CADM2: variants seen among roughly 807,000 people sequenced by gnomAD.
CADM2 encodes the protein immunoglobulin superfamily member 4D.
Under a neutral mutation model 49.8 loss-of-function variants are expected in CADM2, and 12 were observed. That is an observed-to-expected ratio of 0.24 (90% CI 0.15 to 0.39). CADM2 has a LOEUF of 0.39. CADM2 is among the 10% of genes least tolerant of loss of function. CADM2 has a pLI of 1.00. For synonymous variants in CADM2, 214 were observed against 175.4 expected, an observed-to-expected ratio of 1.22 and a Z score of -1.74; for missense variants, 378 against 492.3, an observed-to-expected ratio of 0.77 and a Z score of 2.20.
rs920180067 is a variant in CADM2, at chr3:85,552,374, T to C, written c.62-174148T>C. ...TTAAATCACTTTGAAAAGTTTTTTT[T>C]TTTTTTTTTTTTTTTTTTTTTTGAG... On this transcript the variant is annotated intron_variant, in intron 1 of 9. Coordinates refer to ENST00000383699, the MANE Select transcript of CADM2 (RefSeq NM_001167675.2). Among the ~76,000 whole-genome samples, 11 of 18,814 alleles carry C rather than the reference T, an allele frequency of 5.8e-4. No homozygotes were observed. The South Asian group carries it at 8.3e-3, about 14-fold the overall frequency. The allele number at this position is 18,814 out of a possible 152,430, so 12.3% of individuals were successfully genotyped here.
intron 1 of CADM2, among the ~76,000 whole-genome samples, chr3:85,121,659 CCATTCATCAGTAATATTACCTATCTT>C (rs966631335): frequency 9.9e-5 from 15 of 152,160 alleles, no homozygotes; most frequent in Middle Eastern, 3.4e-3. Context: ...GTATTCAATA[CCATTCATCAGTAATATTACCTATCTT>C]CATTCATCAG....
At chr3:85,796,755 G>A (rs1338581156) in intron 2 of CADM2, among the ~76,000 whole-genome samples, 1 of 151,954 alleles carries the variant, frequency 6.6e-6, no homozygotes, top group Non-Finnish European at 1.5e-5. Flanking sequence ...CGCTTATCAA[G>A]CATTTTATTT....
chr3:85,773,702 C>A (rs2070216399), intron 2 of CADM2, among the ~76,000 whole-genome samples: 1 of 151,900 alleles, frequency 6.6e-6, no homozygotes, highest in Non-Finnish European at 1.5e-5. Flanking sequence ...GAGATTGATG[C>A]TTATTGGTTT....
intron 1 of CADM2, among the ~76,000 whole-genome samples, chr3:85,115,438 A>T (rs1225179339): frequency 6.6e-6 from 1 of 152,188 alleles, no homozygotes; most frequent in East Asian, 1.9e-4. Flanking sequence ...AGATGGGAGT[A>T]TAGATGTGAG....
intron 1 of CADM2, among the ~76,000 whole-genome samples, chr3:85,454,084 G>T (rs1205655173): frequency 6.6e-6 from 1 of 152,130 alleles, no homozygotes; most frequent in Non-Finnish European, 1.5e-5. Flanking sequence ...GCTGGGCGTG[G>T]AGGCTCACGC....
At chr3:85,018,080 A>C (rs1171065874) in intron 1 of CADM2, among the ~76,000 whole-genome samples, 1 of 152,126 alleles carries the variant, frequency 6.6e-6, no homozygotes, top group Non-Finnish European at 1.5e-5. Flanking sequence ...ATTTTCACTT[A>C]ATGTGAACAT....
intron 1 of CADM2, among the ~76,000 whole-genome samples, chr3:85,236,744 A>T (rs535048776): frequency 1.9e-4 from 29 of 152,178 alleles, no homozygotes; most frequent in African/African-American, 7.0e-4. Context: ...GTATTAATGG[A>T]TTTCAAAGTA....
chr3:85,139,299 G>C (rs1311548737), intron 1 of CADM2, among the ~76,000 whole-genome samples: 7 of 152,024 alleles, frequency 4.6e-5, no homozygotes, highest in Non-Finnish European at 1.0e-4. Flanking sequence ...AAGATATCAT[G>C]ATTTTTGGAA....
intron 1 of CADM2, among the ~76,000 whole-genome samples, chr3:85,584,588 T>C (rs1279871588): frequency 1.3e-5 from 2 of 152,086 alleles, no homozygotes; most frequent in African/African-American, 4.8e-5. Context: ...TTTCTAATGT[T>C]AGTAGTGTGA....
intron 1 of CADM2, among the ~76,000 whole-genome samples, chr3:85,429,625 A>C (rs1576538819): frequency 6.6e-6 from 1 of 152,118 alleles, no homozygotes; most frequent in African/African-American, 2.4e-5. Context: ...AACATCTGCT[A>C]ATTGGCCAAT....
At chr3:85,633,974 C>A (rs2064386152) in intron 1 of CADM2, among the ~76,000 whole-genome samples, 1 of 151,898 alleles carries the variant, frequency 6.6e-6, no homozygotes, top group African/African-American at 2.4e-5. Context: ...CCCAAGGAAA[C>A]ATCTGTGGAA....
intron 1 of CADM2, among the ~76,000 whole-genome samples, chr3:85,700,517 C>G (rs1276415751): frequency 1.3e-5 from 2 of 152,186 alleles, no homozygotes; most frequent in African/African-American, 2.4e-5. Flanking sequence ...TCTAGTTTTA[C>G]TTTATTTCTT....
At chr3:85,024,637 C>T (rs2034646765) in intron 1 of CADM2, among the ~76,000 whole-genome samples, 1 of 150,150 alleles carries the variant, frequency 6.7e-6, no homozygotes, top group African/African-American at 2.4e-5. Flanking sequence ...GATTTACAGT[C>T]AGAGGGAAAG....
At chr3:85,431,190 A>T (rs1434931349) in intron 1 of CADM2, among the ~76,000 whole-genome samples, 1 of 152,162 alleles carries the variant, frequency 6.6e-6, no homozygotes, top group Non-Finnish European at 1.5e-5. Context: ...GCTATACCAG[A>T]TAGAGTAGGT....
intron 1 of CADM2, among the ~76,000 whole-genome samples, chr3:85,439,867 A>C (rs574985354): frequency 6.6e-6 from 1 of 152,316 alleles, no homozygotes; most frequent in African/African-American, 2.4e-5. Flanking sequence ...TTAAAGTCAG[A>C]CTCAAAAACA....
At chr3:85,328,279 A>G (rs1559781814) in intron 1 of CADM2, among the ~76,000 whole-genome samples, 1 of 152,250 alleles carries the variant, frequency 6.6e-6, no homozygotes. Context: ...CTTTTAAACA[A>G]TAAATAGGCT....
At chr3:85,903,713 G>C (rs886644293) in intron 5 of CADM2, among the ~76,000 whole-genome samples, 2 of 152,118 alleles carry the variant, frequency 1.3e-5, no homozygotes, top group East Asian at 3.9e-4. Flanking sequence ...AATGGCTTCA[G>C]CAGGGCTCTC....
At chr3:85,660,404 C>T (rs2065363242) in intron 1 of CADM2, among the ~76,000 whole-genome samples, 1 of 150,664 alleles carries the variant, frequency 6.6e-6, no homozygotes, top group African/African-American at 2.4e-5. Context: ...TTGCCATGTC[C>T]AGATCAAAGG....
intron 3 of CADM2, among the ~76,000 whole-genome samples, chr3:85,825,933 T>C (rs1490667316): frequency 2.0e-5 from 3 of 152,042 alleles, no homozygotes; most frequent in Non-Finnish European, 2.9e-5. Flanking sequence ...TTTAGATGTT[T>C]TCTTTGTTCT....
Sources: gnomAD v4.1 joint callset for allele counts (sites outside exome capture counted in the v4.1 genomes callset) on GRCh38, gnomAD v4.1.1 for gene constraint, MANE v1.5 for transcripts, NCBI Gene and HGNC (gene_info 2026-07-23, HGNC 2026-07-21) for gene names.